CDH23: variants seen among roughly 807,000 people sequenced by gnomAD.
CDH23 encodes the protein cadherin-23.
In CDH23, 189 loss-of-function variants were observed where a neutral mutation model predicts 317.1. The ratio of observed to expected loss-of-function variants is 0.60; its 90% CI spans 0.53 to 0.67. The LOEUF is 0.67. CDH23 is among the 30% of genes least tolerant of loss of function. CDH23 has a pLI of 0.00. For missense variants in CDH23, 4,401 were observed against 4,592.4 expected, an observed-to-expected ratio of 0.96 and a Z score of 1.20; for synonymous variants, 1,839 against 1,876.8, an observed-to-expected ratio of 0.98 and a Z score of 0.52.
chr10:71,583,832 T>C (rs1258560454), intron 9 of CDH23, among the ~76,000 whole-genome samples: 1 of 151,396 alleles, frequency 6.6e-6, no homozygotes, highest in Non-Finnish European at 1.5e-5. Flanking sequence ...GCTCAGAGAG[T>C]TTACATAGAT....
At chr10:71,769,737 G>A (rs566342712) in intron 38 of CDH23, among the ~76,000 whole-genome samples, 4 of 152,316 alleles carry the variant, frequency 2.6e-5, no homozygotes, top group African/African-American at 7.2e-5. Flanking sequence ...AAGATCCTAC[G>A]CAGAAAGGCT....
intron 26 of CDH23, 131 bp from the exon 27 acceptor site, chr10:71,708,967 G>A (rs1050971448): frequency 2.0e-5 from 16 of 812,154 alleles, no homozygotes; most frequent in Non-Finnish European, 2.7e-5. Flanking sequence ...CCTCAGGCAG[G>A]GCCGAATCAG....
intron 43 of CDH23, 112 bp downstream of exon 43, chr10:71,785,212 C>G: frequency 2.4e-6 from 2 of 833,436 alleles, no homozygotes; most frequent in Non-Finnish European, 3.8e-6. Flanking sequence ...GCTCCCGTTC[C>G]TGCACTGGGA....
At chr10:71,669,828 T>C (rs1325398810) in intron 14 of CDH23, among the ~76,000 whole-genome samples, 2 of 152,060 alleles carry the variant, frequency 1.3e-5, no homozygotes, top group African/African-American at 4.8e-5. Context: ...AGCCAGCACA[T>C]TGGAAAAGCT....
At chr10:71,546,603 C>T (rs1856297268) in intron 6 of CDH23, among the ~76,000 whole-genome samples, 2 of 152,134 alleles carry the variant, frequency 1.3e-5, no homozygotes, top group Admixed American at 6.5e-5. Flanking sequence ...GTCCACTGCA[C>T]CTAGAACACA....
chr10:71,682,298 G>A (rs1463244458), intron 17 of CDH23, 147 bp from the exon 18 acceptor site: 18 of 1,009,472 alleles, frequency 1.8e-5, no homozygotes, highest in Non-Finnish European at 2.3e-5. Context: ...CCTCAGTCGA[G>A]ATGTTGAGGC....
chr10:71,646,590 C>A lies in CDH23; in HGVS notation c.1422C>A (p.Thr474=), dbSNP rs760469401. 6 of 1,613,886 alleles carry A rather than the reference C, an allele frequency of 3.7e-6. No individual in the cohort carries two copies. The African/African-American group carries it at 6.7e-5, about 18-fold the overall frequency. The change falls in exon 14 of 70, where the codon ACC becomes ACA. Residue 474 remains threonine (T), a synonymous_variant. Coordinates refer to ENST00000224721, the MANE Select transcript of CDH23 (RefSeq NM_022124.6). ...LYNISLYENV[T]VGTSVLTVLA... ...ACATCAGCCTGTACGAGAACGTCAC[C>A]GTGGGGACCTCTGTGCTGACAGTCC...
chr10:71,400,800 AAATC>A (rs1262919210), intron 1 of CDH23, among the ~76,000 whole-genome samples: 2 of 152,192 alleles, frequency 1.3e-5, no homozygotes, highest in African/African-American at 2.4e-5. Flanking sequence ...CTCCATCTCA[AAATC>A]AATCAATCAA....
At chr10:71,554,287 T>C (rs1856762746) in intron 6 of CDH23, among the ~76,000 whole-genome samples, 1 of 152,078 alleles carries the variant, frequency 6.6e-6, no homozygotes, top group Admixed American at 6.5e-5. Flanking sequence ...AGCCTCAATG[T>C]CCTGGGCTCA....
At chr10:71,441,068 T>C (rs1849853068) in intron 2 of CDH23, among the ~76,000 whole-genome samples, 1 of 151,910 alleles carries the variant, frequency 6.6e-6, no homozygotes, top group Non-Finnish European at 1.5e-5. Context: ...AGCCCAGGAG[T>C]ACAGCACAGT....
At chr10:71,593,440 C>T (rs56393726) in intron 9 of CDH23, among the ~76,000 whole-genome samples, 156 of 152,256 alleles carry the variant, frequency 1.0e-3, no homozygotes, top group African/African-American at 3.5e-3. Context: ...TCGGCACCCC[C>T]GGAGCACATG....
chr10:71,439,271 A>G (rs1401746168), intron 1 of CDH23, among the ~76,000 whole-genome samples: 1 of 150,962 alleles, frequency 6.6e-6, no homozygotes, highest in African/African-American at 2.5e-5. Context: ...ATACAAGGTT[A>G]TGGGATAATG....
At chr10:71,644,115 G>A (rs1228891105) in intron 12 of CDH23, among the ~76,000 whole-genome samples, 1 of 152,236 alleles carries the variant, frequency 6.6e-6, no homozygotes, top group African/African-American at 2.4e-5. Context: ...CCATGTGACG[G>A]GACGCATTCC....
chr10:71,755,027 C>T (rs1471694287), intron 38 of CDH23: 1 of 500,146 alleles, frequency 2.0e-6, no homozygotes. Flanking sequence ...TTAAACAGGT[C>T]CCCCAAGGAT....
chr10:71,704,550 T>TG (rs201469473), intron 24 of CDH23, among the ~76,000 whole-genome samples: 1,773 of 152,256 alleles, frequency 0.012, 14 homozygotes, highest in Middle Eastern at 0.02. Flanking sequence ...CAGATAATGG[T>TG]GGGGTCCTTA....
At chr10:71,650,657 T>C (rs958315476) in intron 14 of CDH23, among the ~76,000 whole-genome samples, 3 of 152,226 alleles carry the variant, frequency 2.0e-5, no homozygotes, top group Non-Finnish European at 2.9e-5. Context: ...TGTGTGTACA[T>C]GTATGTGCCT....
intron 36 of CDH23, among the ~76,000 whole-genome samples, chr10:71,740,036 T>A (rs950010642): frequency 6.6e-6 from 1 of 152,148 alleles, no homozygotes; most frequent in Non-Finnish European, 1.5e-5. Context: ...GCCAGGAGGA[T>A]GAGGGAGAGC....
intron 1 of CDH23, among the ~76,000 whole-genome samples, chr10:71,425,075 A>G (rs1848994072): frequency 6.6e-6 from 1 of 151,878 alleles, no homozygotes; most frequent in African/African-American, 2.4e-5. Flanking sequence ...TTGGGGTGAG[A>G]ACTCCTATTT....
rs551061075 is a variant in CDH23 at position 71,495,693 on chromosome 10, G to A, written c.146-14389G>A. 6.0e-3 allele frequency among the ~76,000 whole-genome samples: 905 copies of A among 151,658 alleles called. 5 individuals carry two copies. The highest frequency in any genetic ancestry group is 0.01 in the Non-Finnish European group (700 of 67,884). ...ATTAAAAAAAAAAATTGTAAAATTA[G>A]CCAGGTGCAGTGGCGCACTTGTAGT... On this transcript the variant is annotated intron_variant, in intron 3 of 69. Coordinates refer to ENST00000224721, the MANE Select transcript of CDH23 (RefSeq NM_022124.6).
Sources: allele counts gnomAD v4.1 joint callset (sites outside exome capture counted in the v4.1 genomes callset), GRCh38; gene constraint gnomAD v4.1.1; transcripts MANE v1.5; gene names NCBI Gene and HGNC (gene_info 2026-07-23, HGNC 2026-07-21).